The following GTF3C5 variants were observed in gnomAD, a reference collection of about 807,000 sequenced individuals.
The protein encoded by GTF3C5 is general transcription factor 3C polypeptide 5.
A neutral mutation model predicts 61.0 loss-of-function variants in GTF3C5; 47 were observed. The ratio of observed to expected loss-of-function variants is 0.77; its 90% CI spans 0.61 to 0.98. GTF3C5 has a LOEUF of 0.98. Ranked by LOEUF, GTF3C5 falls within the 50% of genes least tolerant of loss-of-function variation. The probability of loss-of-function intolerance (pLI) is 0.00; values close to 1 mark genes in which losing one functional copy is unlikely to be tolerated. For missense variants in GTF3C5, 659 were observed against 703.3 expected, an observed-to-expected ratio of 0.94 and a Z score of 0.71; for synonymous variants, 295 against 275.4, an observed-to-expected ratio of 1.07 and a Z score of -0.71.
At position 133,056,032 on chromosome 9, in the gene GTF3C5, G is replaced by C; in HGVS notation, c.1188G>C (p.Arg396=). The C allele has an allele frequency of 6.2e-7, 1 of 1,614,114 alleles. No individual in the cohort carries two copies. Among genetic ancestry groups the C allele is most frequent in the Non-Finnish European group, 8.5e-7 (1 of 1,179,976 alleles). ...YKLKDSVYIF[R]EGALPPYRQM... The stretch of plus-strand genomic sequence containing the variant: ...ACCAGGACTCTGTCTACATCTTCCG[G>C]GAAGGGGCCTTGCCACCCTATCGGC... The change falls in exon 9 of 11, where the codon CGG becomes CGC. Residue 396 remains arginine, a synonymous_variant. Coordinates refer to ENST00000372097, the MANE Select transcript of GTF3C5 (RefSeq NM_012087.4).
chr9:133,054,051 C>T (rs1829841305), intron 6 of GTF3C5, 109 bp downstream of exon 6: 1 of 778,678 alleles, frequency 1.3e-6, no homozygotes. Context: ...AATAAAAAAA[C>T]CTTTTGCCCC....
chr9:133,037,933 G>A (rs193026840), intron 1 of GTF3C5, among the ~76,000 whole-genome samples: 6 of 152,224 alleles, frequency 3.9e-5, no homozygotes, highest in Admixed American at 3.9e-4. Context: ...CGCTCTTCTG[G>A]CCACCAGAGC....
At position 133,039,938 on chromosome 9, in the gene GTF3C5, G is replaced by C. The variant is rs751136919; in HGVS notation, c.154-2149G>C. Among the ~76,000 whole-genome samples, 61 of 152,192 alleles carry C rather than the reference G, an allele frequency of 4.0e-4. 1 individual carries two copies. Among genetic ancestry groups the C allele is most frequent in the Admixed American group, 3.1e-3 (47 of 15,280 alleles). ...TGCTCTAGAGTCTGAACTTTTACCT[G>C]CTGCTTCCTCATCCTTTATGAATAT... is the stretch of plus-strand genomic sequence containing the variant. On this transcript the variant is annotated intron_variant, in intron 1 of 10. Coordinates refer to ENST00000372097, the MANE Select transcript of GTF3C5 (RefSeq NM_012087.4).
rs766561867 is a variant in GTF3C5, at chr9:133,051,977, G to A, written c.769-83G>A. ...CAGCTCCTCTCTGGAGGGGCCGCTG[G>A]GGCCCAGAACATGTTGGGAGTTCAG... On this transcript the variant is annotated intron_variant, in intron 4 of 10. Transcript: ENST00000372097. 6 of 690,618 alleles carry A rather than the reference G, an allele frequency of 8.7e-6. No individual in the cohort carries two copies. In the East Asian group the frequency reaches 1.7e-4, roughly 20 times the overall value. 42.8% of individuals were successfully genotyped at this position (690,618 alleles called of 1,614,324 possible).
At chr9:133,044,162 A>G (rs867485072) in intron 3 of GTF3C5, 42 of 535,828 alleles carry the variant, frequency 7.8e-5, no homozygotes, top group Admixed American at 2.8e-4. Flanking sequence ...AAAAAAAAAA[A>G]AAAAAAAGAA....
At chr9:133,052,846 A>ATTTTATTTT (rs1281703300) in intron 5 of GTF3C5, among the ~76,000 whole-genome samples, 3 of 151,760 alleles carry the variant, frequency 2.0e-5, no homozygotes, top group East Asian at 3.9e-4. Flanking sequence ...TATTTTATTT[A>ATTTTATTTT]TTTTGAGATG....
Position 133,052,155 on chromosome 9 carries a change from C to G in GTF3C5, c.864C>G (p.Ala288=), listed in dbSNP as rs148026259. 6.4e-7 allele frequency: 1 copy of G among 1,571,682 alleles called. No homozygotes were observed. The highest frequency in any genetic ancestry group is 1.1e-5 in the South Asian group (1 of 89,076). The change falls in exon 5 of 11, where the codon GCC becomes GCG. Residue 288 remains alanine (A), a synonymous_variant. Coordinates refer to ENST00000372097, the MANE Select transcript of GTF3C5 (RefSeq NM_012087.4). The part of the protein sequence containing the change: ...DKLKVLLPFI[A]YYMITGPWRS... ...TCAAGGTCTTGCTTCCCTTCATAGCCTATTACATGGTAAGTGTCAGCTGCC... is the reference window on the plus strand; with the variant it reads ...TCAAGGTCTTGCTTCCCTTCATAGCGTATTACATGGTAAGTGTCAGCTGCC...
intron 1 of GTF3C5, among the ~76,000 whole-genome samples, chr9:133,038,482 G>T (rs1190744093): frequency 6.0e-5 from 9 of 149,214 alleles, no homozygotes; most frequent in African/African-American, 2.2e-4. Flanking sequence ...ACGGAGTCTG[G>T]CTCCGTCGCC....
At chr9:133,044,146 CA>C (rs34524914) in intron 3 of GTF3C5, 7,609 of 108,148 alleles carry the variant, frequency 0.07, 59 homozygotes, top group African/African-American at 0.13. Context: ...CTTTGTCTCC[CA>C]AAAAAAAAAA....
At chr9:133,056,533 G>A (rs1829944081) in intron 9 of GTF3C5, among the ~76,000 whole-genome samples, 1 of 152,242 alleles carries the variant, frequency 6.6e-6, no homozygotes, top group Non-Finnish European at 1.5e-5. Flanking sequence ...CCAGAAGCAT[G>A]TGCAGTGGTA....
At position 133,054,400 on chromosome 9, in the gene GTF3C5, G is replaced by C. The variant is rs768762575; in HGVS notation, c.989-8G>C. On this transcript the variant is annotated splice_region_variant and splice_polypyrimidine_tract_variant and intron_variant, in intron 6 of 10. Coordinates refer to ENST00000372097, the MANE Select transcript of GTF3C5 (RefSeq NM_012087.4). ...CCGCCCACCTGACTTGCCCGCCCTC[G>C]CCTACAGGTTACGCCCCCAGTGACT... The C allele has an allele frequency of 5.0e-6, 8 of 1,613,446 alleles. No homozygotes were observed. Among genetic ancestry groups the C allele is most frequent in the Non-Finnish European group, 6.8e-6 (8 of 1,179,536 alleles).
rs924585461 is a variant in GTF3C5 at position 133,041,939 on chromosome 9, G to A, written c.154-148G>A. 10 of 615,140 alleles carry A rather than the reference G, an allele frequency of 1.6e-5. No homozygotes were observed. In the African/African-American group the frequency reaches 1.7e-4, roughly 10 times the overall value. The allele number at this position is 615,140 out of a possible 1,614,324, so 38.1% of individuals were successfully genotyped here. ...TAAGATACATGGGTTTAAAAAATGG[G>A]CCTTTTGGGAATTAAGGGCCCAGAA... On this transcript the variant is annotated intron_variant, in intron 1 of 10. Transcript: ENST00000372097.
At chr9:133,046,020 G>A (rs1284897622) in intron 3 of GTF3C5, among the ~76,000 whole-genome samples, 1 of 152,192 alleles carries the variant, frequency 6.6e-6, no homozygotes, top group Non-Finnish European at 1.5e-5. Flanking sequence ...TTCCAAAAAT[G>A]CAGCCCTCAA....
intron 3 of GTF3C5, among the ~76,000 whole-genome samples, chr9:133,045,260 C>T (rs1240748129): frequency 1.3e-5 from 2 of 152,194 alleles, no homozygotes; most frequent in Admixed American, 1.3e-4. Context: ...GGGAGCAATT[C>T]CCCAGGGTTC....
intron 3 of GTF3C5, among the ~76,000 whole-genome samples, chr9:133,048,560 T>C (rs1207040897): frequency 2.6e-5 from 4 of 152,156 alleles, no homozygotes; most frequent in East Asian, 1.9e-4. Flanking sequence ...TCCCAGCTAC[T>C]TGGGGGGCTG....
In GTF3C5 at chr9:133,057,894, G is replaced by A. The variant is rs1459419198; in HGVS notation, c.1474G>A (p.Glu492Lys). The A allele has an allele frequency of 6.2e-6, 10 of 1,613,432 alleles. No individual in the cohort carries two copies. Among genetic ancestry groups the A allele is most frequent in the Non-Finnish European group, 8.5e-6 (10 of 1,179,742 alleles). The change falls in exon 11 of 11, where the codon GAG (glutamate) becomes AAG (lysine). Residue 492 changes from glutamate (E) to lysine (K), a missense_variant. Coordinates refer to ENST00000372097, the MANE Select transcript of GTF3C5 (RefSeq NM_012087.4). ...YESGEDEEDE[E>K]EEEEEEEDFK... ...GTCTGGGGAAGACGAGGAGGATGAG[G>A]AGGAGGAGGAAGAGGAGGAGGAGGA... is the stretch of plus-strand genomic sequence containing the variant.
intron 2 of GTF3C5, among the ~76,000 whole-genome samples, chr9:133,042,622 A>G (rs773467339): frequency 6.6e-6 from 1 of 152,210 alleles, no homozygotes; most frequent in Non-Finnish European, 1.5e-5. Context: ...CCCCCACCAC[A>G]GTGTTTTGAA....
At chr9:133,047,649 G>A (rs1850246420) in intron 3 of GTF3C5, among the ~76,000 whole-genome samples, 3 of 152,018 alleles carry the variant, frequency 2.0e-5, no homozygotes, top group South Asian at 2.1e-4. Context: ...AGCCTCCCGA[G>A]TAGCTGGGAT....
At chr9:133,044,145 C>CAA in intron 3 of GTF3C5, 4 of 140,860 alleles carry the variant, frequency 2.8e-5, no homozygotes, top group Admixed American at 1.1e-4. Context: ...ACTTTGTCTC[C>CAA]CAAAAAAAAA....
Sources: gnomAD v4.1 joint callset for allele counts (sites outside exome capture counted in the v4.1 genomes callset) on GRCh38, gnomAD v4.1.1 for gene constraint, MANE v1.5 for transcripts, NCBI Gene and HGNC (gene_info 2026-07-23, HGNC 2026-07-21) for gene names.